The following CASZ1 variants were observed in gnomAD, a reference collection of about 807,000 sequenced individuals.
The protein encoded by CASZ1 is castor zinc finger 1.
CASZ1 carries 28 observed loss-of-function variants against 135.2 expected under a neutral mutation model. The observed-to-expected ratio is 0.21, with a 90% CI of 0.15 to 0.28. The LOEUF is 0.28. CASZ1 is among the 10% of genes least tolerant of loss of function. CASZ1 has a pLI of 1.00. For synonymous variants in CASZ1, 1,068 were observed against 1,073.4 expected (o/e 0.99, Z 0.10); for missense variants, 2,161 against 2,453.3 (o/e 0.88, Z 2.52).
chr1:10,796,445 A>C (rs557342465), intron 1 of CASZ1, 119 bp downstream of exon 1: 2 of 91,930 alleles, frequency 2.2e-5, no homozygotes, highest in Non-Finnish European at 6.2e-5. Flanking sequence ...TGCAAGCGGC[A>C]GCCCCGGGGG....
rs654482 is a variant in CASZ1 at position 10,689,092 on chromosome 1, G to T, written c.16+4782C>A. On this transcript the variant is annotated intron_variant, in intron 4 of 20. Coordinates refer to ENST00000377022, the MANE Select transcript of CASZ1 (RefSeq NM_001079843.3). ...TTAGAAGGTGAGCCTTGGGGCCTGG[G>T]GGCATGGGGGGTGGGCCAGGTGGAG... is the stretch of plus-strand genomic sequence containing the variant. Among the ~76,000 whole-genome samples, 1,189 of 152,298 alleles carry T rather than the reference G, an allele frequency of 7.8e-3. 13 individuals carry two copies. Among genetic ancestry groups the T allele is most frequent in the Non-Finnish European group, 0.013 (901 of 68,014 alleles).
Position 10,735,501 on chromosome 1 carries a change from G to C in CASZ1, c.-77+25200C>G, listed in dbSNP as rs192272824. On this transcript the variant is annotated intron_variant, in intron 2 of 20. Coordinates refer to ENST00000377022, the MANE Select transcript of CASZ1 (RefSeq NM_001079843.3). The surrounding 1 kb of genome is among the most constrained non-coding windows in gnomAD (Gnocchi z 5.1). ...GCTCAGCCAGCTCCACGCAGCGCCA[G>C]GGCTGTCCCCAAAGTTTGGATCAAA... Among the ~76,000 whole-genome samples, 18 of 152,264 alleles carry C rather than the reference G, an allele frequency of 1.2e-4. No homozygotes were observed. Among genetic ancestry groups the C allele is most frequent in the African/African-American group, 4.1e-4 (17 of 41,554 alleles).
intron 9 of CASZ1, 72 bp from the exon 10 acceptor site, chr1:10,654,663 T>C: frequency 3.4e-6 from 5 of 1,468,806 alleles, no homozygotes; most frequent in Non-Finnish European, 4.7e-6. Context: ...CACCACTGTG[T>C]GTGGCTGGGG....
chr1:10,663,747 C>T (rs1320471688), intron 5 of CASZ1, among the ~76,000 whole-genome samples: 1 of 152,236 alleles, frequency 6.6e-6, no homozygotes, highest in Admixed American at 6.5e-5. Context: ...TCTGTGTCCT[C>T]CAGCGCTCAG....
At chr1:10,734,488 A>G (rs1639759646) in intron 2 of CASZ1, among the ~76,000 whole-genome samples, 2 of 152,196 alleles carry the variant, frequency 1.3e-5, no homozygotes, top group Admixed American at 1.3e-4. Context: ...GCAGAGCTGC[A>G]TCTCGGGAAT....
At chr1:10,643,767 G>A (rs971556273) in intron 18 of CASZ1, among the ~76,000 whole-genome samples, 5 of 152,214 alleles carry the variant, frequency 3.3e-5, no homozygotes, top group African/African-American at 1.2e-4. Context: ...AGGCGGGACT[G>A]AAACAGCATC....
At chr1:10,645,634 T>C (rs557346093) in intron 17 of CASZ1, among the ~76,000 whole-genome samples, 1 of 152,294 alleles carries the variant, frequency 6.6e-6, no homozygotes, top group South Asian at 2.1e-4. Context: ...CGCGAATCTA[T>C]TTTAACACTC....
intron 4 of CASZ1, among the ~76,000 whole-genome samples, chr1:10,686,190 C>T (rs938096295): frequency 2.0e-5 from 3 of 152,204 alleles, no homozygotes; most frequent in Non-Finnish European, 4.4e-5. Context: ...AACCACTGTA[C>T]TCTTCCCTCT....
chr1:10,659,475 C>T (rs936892410), intron 6 of CASZ1, among the ~76,000 whole-genome samples: 3 of 152,186 alleles, frequency 2.0e-5, no homozygotes, highest in African/African-American at 7.2e-5. Context: ...GGAGGGCTCA[C>T]GCATGGTTCT....
chr1:10,771,595 A>C (rs574534297), intron 1 of CASZ1, among the ~76,000 whole-genome samples: 1 of 152,136 alleles, frequency 6.6e-6, no homozygotes, highest in South Asian at 2.1e-4. Flanking sequence ...GTAGACTTTT[A>C]AAATGGAGGC....
chr1:10,795,697 C>T (rs1237496842), intron 1 of CASZ1, among the ~76,000 whole-genome samples: 1 of 152,206 alleles, frequency 6.6e-6, no homozygotes, highest in Non-Finnish European at 1.5e-5. Flanking sequence ...AGCCCTTCAG[C>T]TGGGGAGGCA....
At chr1:10,684,778 TTCTC>T (rs1247816186) in intron 4 of CASZ1, among the ~76,000 whole-genome samples, 1 of 152,228 alleles carries the variant, frequency 6.6e-6, no homozygotes, top group Admixed American at 6.5e-5. Flanking sequence ...GTGTCAGAAA[TTCTC>T]TCTTTCCTGG....
rs763019646 is a variant in CASZ1 at position 10,639,875 on chromosome 1, C to T, written c.4347G>A (p.Gln1449=). Residue 1449 remains glutamine, a synonymous_variant, in exon 21 of 21, where the codon CAG becomes CAA. Transcript: ENST00000377022. This position sits in a 1 kb window ranked among gnomAD's most constrained non-coding sequence, Gnocchi z 4.0. ...GGTAGTGGGTGACCTTGAGCGAGAA[C>T]TGACAAGCTGCGTCCTTGCAGTCCT... ...LYEDCKDAAC[Q]FSLKVTHYHC... The T allele has an allele frequency of 9.9e-6, 16 of 1,612,324 alleles. No homozygotes were observed. The highest frequency in any genetic ancestry group is 1.3e-5 in the African/African-American group (1 of 74,932).
In CASZ1 at chr1:10,646,313, C is replaced by T. The variant is rs769502938; in HGVS notation, c.3511G>A (p.Ala1171Thr). 1.8e-5 allele frequency: 29 copies of T among 1,613,848 alleles called. No homozygotes were observed. The highest frequency in any genetic ancestry group is 1.5e-4 in the African/African-American group (11 of 74,902). Reference protein sequence around the residue: ...LQFQENDPCLATDCKYANKFH... With the variant: ...LQFQENDPCLTTDCKYANKFH... ...TTGTTGGCGTACTTGCAGTCCGTGG[C>T]GAGGCAAGGATCGCTGGAAGGAAAC... Residue 1171 changes from alanine (A) to threonine (T), a missense_variant, in exon 17 of 21, where the codon GCC (alanine) becomes ACC (threonine). Transcript: ENST00000377022. The surrounding 1 kb of genome is among the most constrained non-coding windows in gnomAD (Gnocchi z 6.4).
At position 10,755,512 on chromosome 1, in the gene CASZ1, G is replaced by A. The variant is rs1329447731; in HGVS notation, c.-77+5189C>T. Among the ~76,000 whole-genome samples the A allele has an allele frequency of 2.0e-5, 3 of 152,136 alleles. No homozygotes were observed. Among genetic ancestry groups the A allele is most frequent in the Non-Finnish European group, 4.4e-5 (3 of 68,016 alleles). Reference sequence around the variant, plus strand: ...GGTTGTCCCATCCTTTGGATCAACTGCGTCACCCGCCGAGAAGTCCCCCGA... The same window carrying A: ...GGTTGTCCCATCCTTTGGATCAACTACGTCACCCGCCGAGAAGTCCCCCGA... On this transcript the variant is annotated intron_variant, in intron 2 of 20. Coordinates refer to ENST00000377022, the MANE Select transcript of CASZ1 (RefSeq NM_001079843.3). The surrounding 1 kb of genome is among the most constrained non-coding windows in gnomAD (Gnocchi z 4.3).
chr1:10,677,577 C>T (rs959161390), intron 4 of CASZ1, among the ~76,000 whole-genome samples: 6 of 152,196 alleles, frequency 3.9e-5, no homozygotes, highest in Admixed American at 3.9e-4. Context: ...AGGGTGGAGG[C>T]TGTCCTAGGT....
chr1:10,790,036 C>T (rs1430080187), intron 1 of CASZ1, among the ~76,000 whole-genome samples: 2 of 152,178 alleles, frequency 1.3e-5, no homozygotes, highest in Admixed American at 6.5e-5. Flanking sequence ...GCACACCAGG[C>T]AGCCCTGCAA....
rs145183161 is a variant in CASZ1, at chr1:10,788,910, C to T, written c.-234+7654G>A. ...CAGCAGCCGCTGCCGCTCTGCAGAA[C>T]CTCGCAGATCCTCTAAGCCACCTAG... is the stretch of plus-strand genomic sequence containing the variant. On this transcript the variant is annotated intron_variant, in intron 1 of 20. Coordinates refer to ENST00000377022, the MANE Select transcript of CASZ1 (RefSeq NM_001079843.3). This position sits in a 1 kb window ranked among gnomAD's most constrained non-coding sequence, Gnocchi z 4.1. 3.7e-3 allele frequency among the ~76,000 whole-genome samples: 565 copies of T among 152,338 alleles called. 2 individuals carry two copies. Among genetic ancestry groups the T allele is most frequent in the African/African-American group, 0.011 (462 of 41,578 alleles).
intron 2 of CASZ1, among the ~76,000 whole-genome samples, chr1:10,743,279 G>A (rs1054615670): frequency 6.6e-6 from 1 of 152,070 alleles, no homozygotes; most frequent in Non-Finnish European, 1.5e-5. Context: ...AGAGGCCAAG[G>A]GAGACATTCA....
Sources: allele counts gnomAD v4.1 joint callset (sites outside exome capture counted in the v4.1 genomes callset), GRCh38; gene constraint gnomAD v4.1.1; non-coding constraint Gnocchi (gnomAD v3.1); transcripts MANE v1.5; gene names NCBI Gene and HGNC (gene_info 2026-07-23, HGNC 2026-07-21).